The following ABRA variants were observed in gnomAD, a reference collection of about 807,000 sequenced individuals.
ABRA encodes the protein actin-binding Rho-activating protein.
In ABRA, 25 loss-of-function variants were observed where a neutral mutation model predicts 33.4. The ratio of observed to expected loss-of-function variants is 0.75; its 90% confidence interval spans 0.55 to 1.04. ABRA has a LOEUF of 1.04. Among genes scored for constraint, ABRA ranks in the 50% least tolerant of loss-of-function variants. ABRA has a pLI of 0.00. For synonymous variants in ABRA, 193 were observed against 176.8 expected, an observed-to-expected ratio of 1.09 and a Z score of -0.73; for missense variants, 501 against 491.7, an observed-to-expected ratio of 1.02 and a Z score of -0.18.
In ABRA at chr8:106,764,550, G is replaced by T. The variant is rs1240359568; in HGVS notation, c.669-3036C>A. Among the ~76,000 whole-genome samples, 8 of 152,324 alleles carry T rather than the reference G, an allele frequency of 5.3e-5. No individual in the cohort carries two copies. The East Asian group carries it at 1.5e-3, about 29-fold the overall frequency. The stretch of plus-strand genomic sequence containing the variant: ...GCCTATGGTCCCAGCTACTCAGGAG[G>T]CTGAGGCAGGAGAATCTCTTGAATC... On this transcript the variant is annotated intron_variant, in intron 1 of 1. Transcript: ENST00000311955.
intron 1 of ABRA, among the ~76,000 whole-genome samples, chr8:106,767,488 T>A (rs1451270466): frequency 1.3e-5 from 2 of 152,206 alleles, no homozygotes; most frequent in Non-Finnish European, 2.9e-5. Flanking sequence ...TCTGAATGCA[T>A]CCTCAAGACA....
chr8:106,770,025 T>A lies in ABRA; in HGVS notation c.166A>T (p.Thr56Ser). ...TTAGGAGCTTGAGGTGAGTCCTGGG[T>A]CCCTCCCGGCAGCCAGCCTGTAGGC... ...QEPTGWLPGG[T>S]QDSPQAPKPI... The change falls in exon 1 of 2, where the codon ACC becomes TCC. Residue 56 changes from threonine to serine, a missense_variant. Physicochemically the swap from Thr to Ser is moderately conservative, Grantham distance 58 (BLOSUM62 1). Transcript: ENST00000311955. The A allele has an allele frequency of 1.9e-6, 3 of 1,613,924 alleles. No homozygotes were observed. The highest frequency in any genetic ancestry group is 2.5e-6 in the Non-Finnish European group (3 of 1,179,996).
intron 1 of ABRA, among the ~76,000 whole-genome samples, chr8:106,765,914 GT>G (rs1836213052): frequency 6.6e-6 from 1 of 152,160 alleles, no homozygotes; most frequent in Non-Finnish European, 1.5e-5. Context: ...CCTTAAGTCT[GT>G]TCTCTACTAA....
chr8:106,769,423 T>G, intron 1 of ABRA, 100 bp downstream of exon 1: 1 of 1,490,208 alleles, frequency 6.7e-7, no homozygotes. Context: ...AGATTCTCAC[T>G]CTAACCCTGG....
At position 106,760,143 on chromosome 8, in the gene ABRA, C is replaced by T. The variant is rs1047321929; in HGVS notation, c.*894G>A. On this transcript the variant is annotated 3_prime_UTR_variant, in exon 2 of 2. Coordinates refer to ENST00000311955, the MANE Select transcript of ABRA (RefSeq NM_139166.5). The stretch of plus-strand genomic sequence containing the variant: ...TGATGTTAATGCAAGCAGCTTGACT[C>T]GTTATATGCTGACATGTAATGAAAC... The T allele has an allele frequency of 2.6e-5, 4 of 152,108 alleles. No homozygotes were observed. Among genetic ancestry groups the T allele is most frequent in the African/African-American group, 4.8e-5 (2 of 41,418 alleles). 9.4% of individuals were successfully genotyped at this position (152,108 alleles called of 1,614,324 possible). A position where few individuals can be genotyped will look rare whatever the true frequency, so the allele number is the denominator to read the frequency against.
intron 1 of ABRA, among the ~76,000 whole-genome samples, chr8:106,762,837 T>G (rs1836157238): frequency 6.6e-6 from 1 of 152,168 alleles, no homozygotes; most frequent in Non-Finnish European, 1.5e-5. Context: ...ATCCCTGCCA[T>G]TTCTCTGTCT....
chr8:106,767,409 G>T (rs772931222), intron 1 of ABRA, among the ~76,000 whole-genome samples: 1 of 152,160 alleles, frequency 6.6e-6, no homozygotes, highest in Middle Eastern at 3.2e-3. Flanking sequence ...TTTGGAATAT[G>T]GTTCCTCATG....
At chr8:106,763,783 G>A (rs1304415262) in intron 1 of ABRA, among the ~76,000 whole-genome samples, 1 of 152,214 alleles carries the variant, frequency 6.6e-6, no homozygotes, top group African/African-American at 2.4e-5. Flanking sequence ...AGTGAATGGT[G>A]TGATTTATTA....
intron 1 of ABRA, among the ~76,000 whole-genome samples, chr8:106,768,564 G>A (rs192873725): frequency 1.8e-4 from 28 of 152,250 alleles, no homozygotes; most frequent in Admixed American, 9.8e-4. Context: ...TCTCATTTAC[G>A]TTTCCCAATA....
At position 106,770,040 on chromosome 8, in the gene ABRA, A is replaced by T. The variant is rs1400647052; in HGVS notation, c.151T>A (p.Trp51Arg). The part of the protein sequence containing the change: ...SIRQAQEPTG[W>R]LPGGTQDSPQ... ...GAGTCCTGGGTCCCTCCCGGCAGCCAGCCTGTAGGCTCCTGGGCCTGCCTG... is the reference window on the plus strand; with the variant it reads ...GAGTCCTGGGTCCCTCCCGGCAGCCTGCCTGTAGGCTCCTGGGCCTGCCTG... Residue 51 changes from tryptophan (W) to arginine (R), a missense_variant, in exon 1 of 2, where the codon TGG becomes AGG. Trp to Arg is a moderately radical substitution (Grantham distance 101, BLOSUM62 -3). Transcript: ENST00000311955. The T allele has an allele frequency of 6.2e-7, 1 of 1,613,978 alleles. No individual in the cohort carries two copies. Among genetic ancestry groups the T allele is most frequent in the Non-Finnish European group, 8.5e-7 (1 of 1,180,020 alleles).
chr8:106,761,950 G>A (rs542627698), intron 1 of ABRA, among the ~76,000 whole-genome samples: 2 of 152,218 alleles, frequency 1.3e-5, no homozygotes, highest in Admixed American at 6.5e-5. Flanking sequence ...TACACATGCA[G>A]TTTAATATTT....
intron 1 of ABRA, among the ~76,000 whole-genome samples, chr8:106,762,008 T>C (rs973789852): frequency 6.6e-6 from 1 of 152,206 alleles, no homozygotes; most frequent in Admixed American, 6.5e-5. Flanking sequence ...AGAGCATATA[T>C]AGACTAGTAT....
intron 1 of ABRA, among the ~76,000 whole-genome samples, chr8:106,763,538 C>T (rs1006750294): frequency 1.3e-5 from 2 of 152,192 alleles, no homozygotes; most frequent in African/African-American, 4.8e-5. Flanking sequence ...CCTGCCTCTC[C>T]ATCGACTTTT....
At chr8:106,765,141 C>T (rs956291499) in intron 1 of ABRA, among the ~76,000 whole-genome samples, 3 of 152,188 alleles carry the variant, frequency 2.0e-5, no homozygotes, top group African/African-American at 7.2e-5. Flanking sequence ...CCGCATTTTA[C>T]AACAGCAGTC....
rs773733534 is a variant in ABRA, at chr8:106,769,949, G to A, written c.242C>T (p.Ser81Leu). Residue 81 changes from serine (S) to leucine (L), a missense_variant, in exon 1 of 2, where the codon TCG becomes TTG. Ser to Leu is a moderately radical substitution (Grantham distance 145). Transcript: ENST00000311955. Reference sequence around the variant, plus strand: ...ATGTCCTTCTGGCAGGCGGGGTGGCGACTTTGGGGCACTCTGAGCTTTCTG... The same window carrying A: ...ATGTCCTTCTGGCAGGCGGGGTGGCAACTTTGGGGCACTCTGAGCTTTCTG... Reference protein sequence around the residue: ...SHQKAQSAPKSPPRLPEGHGD... With the variant: ...SHQKAQSAPKLPPRLPEGHGD... 16 of 1,613,686 alleles carry A rather than the reference G, an allele frequency of 9.9e-6. No individual in the cohort carries two copies. Among genetic ancestry groups the A allele is most frequent in the South Asian group, 6.6e-5 (6 of 91,060 alleles).
At chr8:106,763,203 T>A (rs1836161964) in intron 1 of ABRA, among the ~76,000 whole-genome samples, 2 of 152,126 alleles carry the variant, frequency 1.3e-5, no homozygotes, top group South Asian at 4.1e-4. Flanking sequence ...ATACTTACAT[T>A]AACATTGTTT....
Position 106,761,081 on chromosome 8 carries a change from A to G in ABRA, c.1102T>C (p.Trp368Arg), listed in dbSNP as rs755897217. Reference sequence around the variant, plus strand: ...ACAACATGGTCATCTCGGCCTTGCCATAGCATCTCTCCTTCAAAGTCTACC... The same window carrying G: ...ACAACATGGTCATCTCGGCCTTGCCGTAGCATCTCTCCTTCAAAGTCTACC... ...GLVDFEGEML[W>R]QGRDDHVVIT... The change falls in exon 2 of 2, where the codon TGG (tryptophan) becomes CGG (arginine). Residue 368 changes from tryptophan (W) to arginine (R), a missense_variant. By Grantham distance (101) the Trp-to-Arg change is moderately radical. Transcript: ENST00000311955. 2.6e-5 allele frequency: 42 copies of G among 1,614,106 alleles called. No homozygotes were observed. Among genetic ancestry groups the G allele is most frequent in the Non-Finnish European group, 3.6e-5 (42 of 1,180,044 alleles).
rs755059743 is a variant in ABRA, at chr8:106,767,822, G to A, written c.668+1701C>T. On this transcript the variant is annotated intron_variant, in intron 1 of 1. Coordinates refer to ENST00000311955, the MANE Select transcript of ABRA (RefSeq NM_139166.5). ...AAACTATAAGACAGCTCTTTAGGCC[G>A]CGTGCGGTGGCTCATGCATCCCAGG... 3.9e-5 allele frequency among the ~76,000 whole-genome samples: 6 copies of A among 152,212 alleles called. No individual in the cohort carries two copies. In the East Asian group the frequency reaches 5.8e-4, roughly 15 times the overall value.
intron 1 of ABRA, among the ~76,000 whole-genome samples, chr8:106,762,669 A>T (rs1836154872): frequency 6.6e-6 from 1 of 152,060 alleles, no homozygotes; most frequent in Non-Finnish European, 1.5e-5. Flanking sequence ...GTTGGGGGTC[A>T]GGGGGAGGGA....
Sources: gnomAD v4.1 joint callset for allele counts (sites outside exome capture counted in the v4.1 genomes callset) on GRCh38, gnomAD v4.1.1 for gene constraint, MANE v1.5 for transcripts, NCBI Gene and HGNC (gene_info 2026-07-23, HGNC 2026-07-21) for gene names.